ARHGAP31: variants seen among roughly 807,000 people sequenced by gnomAD.
ARHGAP31 encodes the protein rho GTPase-activating protein 31.
A neutral mutation model predicts 113.9 loss-of-function variants in ARHGAP31; 34 were observed. That is an observed-to-expected ratio of 0.30 (90% CI 0.23 to 0.40). ARHGAP31 has a LOEUF of 0.40. Ranked by LOEUF, ARHGAP31 falls within the 10% of genes least tolerant of loss-of-function variation. ARHGAP31 has a pLI of 1.00. For missense variants in ARHGAP31, 1,548 were observed against 1,767.1 expected, an observed-to-expected ratio of 0.88 and a Z score of 2.22; for synonymous variants, 650 against 684.8, an observed-to-expected ratio of 0.95 and a Z score of 0.79.
chr3:119,415,002 C>G lies in ARHGAP31; in HGVS notation c.3073C>G (p.Pro1025Ala). The change falls in exon 12 of 12, where the codon CCA becomes GCA. Residue 1025 changes from proline to alanine, a missense_variant. Coordinates refer to ENST00000264245, the MANE Select transcript of ARHGAP31 (RefSeq NM_020754.4). The part of the protein sequence containing the change: ...GAEAPPNQKG[P>A]SGVQPNPAET... ...AGAGGCTCCTCCCAACCAGAAGGGA[C>G]CAAGTGGTGTGCAACCCAACCCAGC... 6.2e-7 allele frequency: 1 copy of G among 1,614,174 alleles called. No homozygotes were observed. The highest frequency in any genetic ancestry group is 8.5e-7 in the Non-Finnish European group (1 of 1,180,028).
chr3:119,324,771 A>C (rs2079827599), intron 1 of ARHGAP31: 1 of 348,176 alleles, frequency 2.9e-6, no homozygotes, highest in African/African-American at 2.1e-5. Flanking sequence ...AGGTGAAGGC[A>C]GCACAGTTGT....
intron 1 of ARHGAP31, among the ~76,000 whole-genome samples, chr3:119,328,653 T>G (rs1327429736): frequency 6.6e-6 from 1 of 152,184 alleles, no homozygotes; most frequent in Non-Finnish European, 1.5e-5. Flanking sequence ...CTTTCTTTTT[T>G]TTTCTGAGAC....
intron 1 of ARHGAP31, among the ~76,000 whole-genome samples, chr3:119,331,982 C>T (rs918937263): frequency 6.6e-6 from 1 of 152,112 alleles, no homozygotes; most frequent in Non-Finnish European, 1.5e-5. Context: ...CTGAACAGCA[C>T]CTCTGTCATT....
intron 1 of ARHGAP31, among the ~76,000 whole-genome samples, chr3:119,313,188 TA>T (rs1375095389): frequency 6.6e-6 from 1 of 152,188 alleles, no homozygotes; most frequent in Non-Finnish European, 1.5e-5. Context: ...AAGAGTATAG[TA>T]AAAAAATTTC....
chr3:119,313,964 A>G (rs1040779811), intron 1 of ARHGAP31, among the ~76,000 whole-genome samples: 17 of 152,222 alleles, frequency 1.1e-4, no homozygotes, highest in African/African-American at 4.1e-4. Flanking sequence ...GGCACTCACT[A>G]AATCCGTCAA....
chr3:119,401,879 C>T lies in ARHGAP31; in HGVS notation c.1127C>T (p.Pro376Leu), dbSNP rs1209662556. 1 of 1,613,950 alleles carries T rather than the reference C, an allele frequency of 6.2e-7. No individual in the cohort carries two copies. Among genetic ancestry groups the T allele is most frequent in the Admixed American group, 1.7e-5 (1 of 60,010 alleles). The change falls in exon 10 of 12, where the codon CCA becomes CTA. Residue 376 changes from proline to leucine, a missense_variant. By Grantham distance (98) the Pro-to-Leu change is moderately conservative. Transcript: ENST00000264245. Reference sequence around the variant, plus strand: ...GTTACCACCGGTGGATTTTTCATTCCAGCAACAAAGATGCACTCCACCGGC... The same window carrying T: ...GTTACCACCGGTGGATTTTTCATTCTAGCAACAAAGATGCACTCCACCGGC... ...RTVTTGGFFI[P>L]ATKMHSTGTG...
At chr3:119,358,449 A>G (rs2080177510) in intron 1 of ARHGAP31, among the ~76,000 whole-genome samples, 1 of 152,236 alleles carries the variant, frequency 6.6e-6, no homozygotes. Flanking sequence ...GTGCCTCAAA[A>G]GTTAAATGTA....
In ARHGAP31 at chr3:119,330,025, T is replaced by A. The variant is rs11921860; in HGVS notation, c.100+35021T>A. 3.4e-3 allele frequency: 3,338 copies of A among 985,026 alleles called. 83 individuals are homozygous for A. In the African/African-American group the frequency reaches 0.053, roughly 16 times the overall value. The allele number at this position is 985,026 out of a possible 1,614,324, so 61.0% of individuals were successfully genotyped here. A position where few individuals can be genotyped will look rare whatever the true frequency, so the allele number is the denominator to read the frequency against. ...ATCATCGGTGACTCCATTTGCCAGT[T>A]GCTTCATAAAACCAACTAGTGTGGT... On this transcript the variant is annotated intron_variant, in intron 1 of 11. Coordinates refer to ENST00000264245, the MANE Select transcript of ARHGAP31 (RefSeq NM_020754.4).
chr3:119,338,801 G>T (rs1203437342), intron 1 of ARHGAP31, among the ~76,000 whole-genome samples: 1 of 152,204 alleles, frequency 6.6e-6, no homozygotes, highest in Non-Finnish European at 1.5e-5. Context: ...ATTCTGTAGA[G>T]GAGAGTAGCA....
intron 1 of ARHGAP31, among the ~76,000 whole-genome samples, chr3:119,337,057 T>C (rs1232140724): frequency 6.6e-6 from 1 of 152,248 alleles, no homozygotes; most frequent in Non-Finnish European, 1.5e-5. Flanking sequence ...CATCAGTTGA[T>C]GGACATTTGA....
chr3:119,389,425 C>T (rs963275012), intron 6 of ARHGAP31, among the ~76,000 whole-genome samples: 1 of 152,102 alleles, frequency 6.6e-6, no homozygotes, highest in Non-Finnish European at 1.5e-5. Flanking sequence ...AGTCTTTGAA[C>T]AAATATTCAA....
At chr3:119,365,648 G>C (rs1199639022) in intron 2 of ARHGAP31, among the ~76,000 whole-genome samples, 1 of 152,164 alleles carries the variant, frequency 6.6e-6, no homozygotes, top group African/African-American at 2.4e-5. Flanking sequence ...CTTTCATTCT[G>C]TTTCTTTGTC....
intron 11 of ARHGAP31, 130 bp downstream of exon 11, chr3:119,409,906 A>G (rs1261067034): frequency 3.1e-6 from 3 of 961,278 alleles, no homozygotes; most frequent in Non-Finnish European, 4.6e-6. Context: ...GGACTTTAAG[A>G]GACAAACTTG....
At chr3:119,314,893 G>A (rs2079716055) in intron 1 of ARHGAP31, 1 of 152,218 alleles carries the variant, frequency 6.6e-6, no homozygotes, top group Non-Finnish European at 1.5e-5. Context: ...TGGCCCCAGA[G>A]CCTGTATTTA....
intron 1 of ARHGAP31, among the ~76,000 whole-genome samples, chr3:119,333,595 T>C (rs2079915847): frequency 6.6e-6 from 1 of 152,244 alleles, no homozygotes; most frequent in Non-Finnish European, 1.5e-5. Flanking sequence ...TGTAGCACTC[T>C]GCAGCCTTTG....
At chr3:119,317,479 AT>A (rs935376415) in intron 1 of ARHGAP31, among the ~76,000 whole-genome samples, 2 of 152,122 alleles carry the variant, frequency 1.3e-5, no homozygotes, top group African/African-American at 4.8e-5. Flanking sequence ...GCCTGGCCAC[AT>A]TTCTATTTTC....
In ARHGAP31 at chr3:119,390,844, G is replaced by A; in HGVS notation, c.742G>A (p.Val248Met). ...LPALSLPMKLVSLEEAQARSL... is the reference protein window; with the variant it reads ...LPALSLPMKLMSLEEAQARSL... ...AGCCCTCTCCCTGCCCATGAAGCTG[G>A]TGAGCCTTGAGGAAGCTCAAGCCCG... The change falls in exon 7 of 12, where the codon GTG becomes ATG. Residue 248 changes from valine (V) to methionine (M), a missense_variant. By Grantham distance (21) the Val-to-Met change is conservative (BLOSUM62 1). Transcript: ENST00000264245. 1.9e-6 allele frequency: 3 copies of A among 1,613,778 alleles called. No individual in the cohort carries two copies. The highest frequency in any genetic ancestry group is 1.1e-5 in the South Asian group (1 of 91,064).
intron 1 of ARHGAP31, among the ~76,000 whole-genome samples, chr3:119,353,586 C>T (rs1329795073): frequency 1.3e-5 from 2 of 152,064 alleles, no homozygotes; most frequent in Non-Finnish European, 2.9e-5. Context: ...GGGTGGATCA[C>T]GAGATCAGGA....
Position 119,415,055 on chromosome 3 carries a change from G to A in ARHGAP31, c.3126G>A (p.Glu1042=), listed in dbSNP as rs2080761067. Reference sequence around the variant, plus strand: ...AAACCAGCCCCATCAGCCTAGCAGAGGGAAAGGAGCTAGGGACACACCTGG... The same window carrying A: ...AAACCAGCCCCATCAGCCTAGCAGAAGGAAAGGAGCTAGGGACACACCTGG... The part of the protein sequence containing the change: ...PAETSPISLA[E]GKELGTHLGH... The change falls in exon 12 of 12, where the codon GAG becomes GAA. Residue 1042 remains glutamate, a synonymous_variant. Coordinates refer to ENST00000264245, the MANE Select transcript of ARHGAP31 (RefSeq NM_020754.4). 2 of 1,614,186 alleles carry A rather than the reference G, an allele frequency of 1.2e-6. No homozygotes were observed. The highest frequency in any genetic ancestry group is 1.7e-6 in the Non-Finnish European group (2 of 1,180,036).
Sources: allele counts gnomAD v4.1 joint callset (sites outside exome capture counted in the v4.1 genomes callset), GRCh38; gene constraint gnomAD v4.1.1; transcripts MANE v1.5; gene names NCBI Gene and HGNC (gene_info 2026-07-23, HGNC 2026-07-21).